PRKAR2B: variants seen among roughly 807,000 people sequenced by gnomAD.
PRKAR2B encodes cAMP-dependent protein kinase type II-beta regulatory subunit.
Under a neutral mutation model 49.9 loss-of-function variants are expected in PRKAR2B, and 14 were observed. The ratio of observed to expected loss-of-function variants is 0.28; its 90% confidence interval spans 0.19 to 0.44. PRKAR2B has a LOEUF of 0.44. Among genes scored for constraint, PRKAR2B ranks in the 20% least tolerant of loss-of-function variants. The pLI, the probability that PRKAR2B is intolerant of heterozygous loss-of-function variation, is 1.00. For synonymous variants in PRKAR2B, 196 were observed against 197.7 expected (o/e 0.99, Z 0.07); for missense variants, 393 against 537.9 (o/e 0.73, Z 2.67).
chr7:107,151,149 A>G, intron 7 of PRKAR2B, 126 bp downstream of exon 7: 1 of 537,382 alleles, frequency 1.9e-6, no homozygotes, highest in South Asian at 3.5e-5. Flanking sequence ...ATTTGAAAAG[A>G]TTAAATGGTA....
intron 6 of PRKAR2B, among the ~76,000 whole-genome samples, chr7:107,148,406 G>A (rs1393353101): frequency 6.6e-6 from 1 of 152,086 alleles, no homozygotes; most frequent in African/African-American, 2.4e-5. Context: ...CTTTAATGGG[G>A]TATAAAAGAC....
intron 2 of PRKAR2B, among the ~76,000 whole-genome samples, chr7:107,094,276 T>G (rs1258546807): frequency 1.3e-5 from 2 of 152,230 alleles, no homozygotes; most frequent in Non-Finnish European, 1.5e-5. Context: ...TGATGAACAT[T>G]TTTTCACGTC....
intron 7 of PRKAR2B, 114 bp from the exon 8 acceptor site, chr7:107,153,063 C>T (rs1023834392): frequency 1.0e-5 from 6 of 584,044 alleles, no homozygotes; most frequent in African/African-American, 7.6e-5. Flanking sequence ...ACATATACAA[C>T]CTACACACTG....
chr7:107,068,053 G>A (rs546247613), intron 1 of PRKAR2B, among the ~76,000 whole-genome samples: 3 of 152,296 alleles, frequency 2.0e-5, no homozygotes, highest in Admixed American at 2.0e-4. Context: ...CCTGACAAAA[G>A]CCAAGGAAGG....
intron 1 of PRKAR2B, among the ~76,000 whole-genome samples, chr7:107,065,848 C>T (rs1054771382): frequency 2.0e-5 from 3 of 151,832 alleles, no homozygotes; most frequent in African/African-American, 4.8e-5. Context: ...TGCAGAACTC[C>T]GTCCAGCAGG....
At chr7:107,051,623 T>C (rs1793805356) in intron 1 of PRKAR2B, among the ~76,000 whole-genome samples, 1 of 152,170 alleles carries the variant, frequency 6.6e-6, no homozygotes, top group Non-Finnish European at 1.5e-5. Flanking sequence ...AATTTTCAGG[T>C]CATGGCTTAC....
intron 4 of PRKAR2B, among the ~76,000 whole-genome samples, chr7:107,138,888 A>G (rs1795746034): frequency 6.6e-6 from 1 of 152,080 alleles, no homozygotes; most frequent in African/African-American, 2.4e-5. Context: ...CATGTTGCCC[A>G]GGCTGGTCTC....
At chr7:107,156,531 C>T (rs1201866196) in intron 8 of PRKAR2B, among the ~76,000 whole-genome samples, 1 of 152,100 alleles carries the variant, frequency 6.6e-6, no homozygotes, top group Non-Finnish European at 1.5e-5. Flanking sequence ...TAGGGCCGGG[C>T]TCGGTGGCTC....
chr7:107,144,885 C>T (rs921496351), intron 5 of PRKAR2B, among the ~76,000 whole-genome samples: 2 of 144,014 alleles, frequency 1.4e-5, no homozygotes, highest in Non-Finnish European at 1.5e-5. Flanking sequence ...TTTTTTCTAT[C>T]TGCCCTCACA....
intron 2 of PRKAR2B, among the ~76,000 whole-genome samples, chr7:107,100,033 GA>G (rs562174270): frequency 4.8e-4 from 73 of 152,114 alleles, no homozygotes; most frequent in African/African-American, 1.5e-3. Flanking sequence ...TCCCTTGTCA[GA>G]TACATGGTTT....
chr7:107,153,419 TTACTC>T (rs1796024394), intron 8 of PRKAR2B, among the ~76,000 whole-genome samples, 168 bp downstream of exon 8: 1 of 152,234 alleles, frequency 6.6e-6, no homozygotes, highest in South Asian at 2.1e-4. Flanking sequence ...TTTATAGTCA[TTACTC>T]TATTGAATAT....
intron 5 of PRKAR2B, among the ~76,000 whole-genome samples, chr7:107,144,899 G>A (rs1473546818): frequency 6.7e-6 from 1 of 148,232 alleles, no homozygotes; most frequent in Non-Finnish European, 1.5e-5. Context: ...CCTCACAGGT[G>A]CAAGCCTTGA....
Position 107,119,842 on chromosome 7 carries a change from G to A in PRKAR2B, c.344-2110G>A, listed in dbSNP as rs555640587. 2.0e-5 allele frequency among the ~76,000 whole-genome samples: 3 copies of A among 152,292 alleles called. No homozygotes were observed. In the East Asian group the frequency reaches 5.8e-4, roughly 29 times the overall value. ...GCAATCTGGTTTCATATGTCAGTGA[G>A]GTTCTTTAATGTGAGCCTGCTTCTG... is the stretch of plus-strand genomic sequence containing the variant. On this transcript the variant is annotated intron_variant, in intron 2 of 10. Transcript: ENST00000265717.
intron 4 of PRKAR2B, among the ~76,000 whole-genome samples, chr7:107,135,428 A>G (rs1795680928): frequency 6.6e-6 from 1 of 152,170 alleles, no homozygotes; most frequent in African/African-American, 2.4e-5. Flanking sequence ...ATGTATTGAG[A>G]AGGAAGAAAT....
intron 2 of PRKAR2B, among the ~76,000 whole-genome samples, chr7:107,093,781 G>A (rs1347216920): frequency 2.6e-5 from 4 of 151,442 alleles, no homozygotes; most frequent in African/African-American, 9.7e-5. Flanking sequence ...CTGTCCTTGC[G>A]ATAGTTTGCT....
intron 1 of PRKAR2B, among the ~76,000 whole-genome samples, chr7:107,069,460 T>C (rs1444830610): frequency 6.6e-6 from 1 of 152,224 alleles, no homozygotes; most frequent in African/African-American, 2.4e-5. Flanking sequence ...CATGACATTC[T>C]GTTACCAAAA....
intron 2 of PRKAR2B, among the ~76,000 whole-genome samples, chr7:107,088,258 C>T (rs1255597026): frequency 1.3e-5 from 2 of 152,026 alleles, no homozygotes; most frequent in African/African-American, 4.8e-5. Flanking sequence ...TTCAGGTATC[C>T]TATGCAGTTA....
chr7:107,133,587 G>T (rs1275443781), intron 4 of PRKAR2B: 1 of 152,104 alleles, frequency 6.6e-6, no homozygotes, highest in Non-Finnish European at 1.5e-5. Context: ...ATCACGAAAG[G>T]GCTGTTTCAC....
intron 1 of PRKAR2B, among the ~76,000 whole-genome samples, chr7:107,046,961 A>G (rs1335509832): frequency 1.3e-5 from 2 of 152,208 alleles, no homozygotes; most frequent in East Asian, 3.8e-4. Context: ...TTGCGCACAG[A>G]AAAGATTCCA....
Sources: allele counts gnomAD v4.1 joint callset (sites outside exome capture counted in the v4.1 genomes callset), GRCh38; gene constraint gnomAD v4.1.1; transcripts MANE v1.5; gene names NCBI Gene and HGNC (gene_info 2026-07-23, HGNC 2026-07-21).